FGFR2: variants seen among roughly 807,000 people sequenced by gnomAD.
FGFR2 encodes the protein BEK fibroblast growth factor receptor.
Under a neutral mutation model 95.9 loss-of-function variants are expected in FGFR2, and 19 were observed. The ratio of observed to expected loss-of-function variants is 0.20; its 90% CI spans 0.14 to 0.29. FGFR2 has a LOEUF of 0.29. FGFR2 is among the 10% of genes least tolerant of loss of function. The probability of loss-of-function intolerance (pLI) is 1.00; values close to 1 mark genes in which losing one functional copy is unlikely to be tolerated. For synonymous variants in FGFR2, 392 were observed against 393.3 expected (o/e 1.00, Z 0.04); for missense variants, 707 against 1,056.9 (o/e 0.67, Z 4.59).
At chr10:121,596,737 T>TG (rs899796212) in intron 1 of FGFR2, 12 of 193,202 alleles carry the variant, frequency 6.2e-5, no homozygotes, top group African/African-American at 2.8e-4. Context: ...AGCTTGGGGG[T>TG]GCTCCCCACC....
Position 121,564,118 on chromosome 10 carries a change from T to A in FGFR2, c.454+384A>T, listed in dbSNP as rs559687809. Among the ~76,000 whole-genome samples, 5 of 152,282 alleles carry A rather than the reference T, an allele frequency of 3.3e-5. No homozygotes were observed. In the East Asian group the frequency reaches 7.7e-4, roughly 23 times the overall value. On this transcript the variant is annotated intron_variant, in intron 4 of 17. Coordinates refer to ENST00000358487, the MANE Select transcript of FGFR2 (RefSeq NM_000141.5). ...TGCCGGGAGAGCAAGAATAGGCAAT[T>A]GCCCCAGTCACACACCACTGGATTA... is the stretch of plus-strand genomic sequence containing the variant.
intron 6 of FGFR2, among the ~76,000 whole-genome samples, chr10:121,521,052 C>A (rs761814955): frequency 6.6e-6 from 1 of 152,226 alleles, no homozygotes; most frequent in Non-Finnish European, 1.5e-5. Flanking sequence ...ATGGGATTCA[C>A]CTCTTTATTG....
At chr10:121,490,826 G>A (rs1010113003) in intron 13 of FGFR2, among the ~76,000 whole-genome samples, 2 of 152,178 alleles carry the variant, frequency 1.3e-5, no homozygotes, top group Non-Finnish European at 2.9e-5. Context: ...GCTATTCCTT[G>A]TGTTCACACA....
intron 17 of FGFR2, 35 bp from the exon 18 acceptor site, chr10:121,480,056 T>C (rs1447035646): frequency 2.5e-6 from 4 of 1,589,452 alleles, no homozygotes; most frequent in Non-Finnish European, 3.5e-6. Flanking sequence ...TTATTTCATC[T>C]TGGGTCAGGA....
intron 2 of FGFR2, among the ~76,000 whole-genome samples, chr10:121,580,188 T>G (rs1414333703): frequency 6.6e-6 from 1 of 152,160 alleles, no homozygotes; most frequent in African/African-American, 2.4e-5. Flanking sequence ...TAAGAGTTAT[T>G]CCAGGAGGGC....
intron 2 of FGFR2, among the ~76,000 whole-genome samples, chr10:121,584,029 C>T (rs1482841557): frequency 6.6e-6 from 1 of 151,966 alleles, no homozygotes; most frequent in Non-Finnish European, 1.5e-5. Context: ...TTATCATCAT[C>T]ACCATCATCA....
At chr10:121,557,664 G>A (rs559008998) in intron 4 of FGFR2, among the ~76,000 whole-genome samples, 1 of 152,242 alleles carries the variant, frequency 6.6e-6, no homozygotes, top group African/African-American at 2.4e-5. Context: ...AATTTGCAAA[G>A]CCTGTGTGGG....
chr10:121,549,106 C>T (rs1381110344), intron 5 of FGFR2, among the ~76,000 whole-genome samples: 1 of 152,170 alleles, frequency 6.6e-6, no homozygotes, highest in Non-Finnish European at 1.5e-5. Flanking sequence ...ATGTTCACTG[C>T]CCACCATGCG....
intron 4 of FGFR2, among the ~76,000 whole-genome samples, chr10:121,559,057 T>C (rs1369601204): frequency 1.3e-5 from 2 of 149,654 alleles, no homozygotes; most frequent in African/African-American, 5.0e-5. Flanking sequence ...CTGCAATATA[T>C]TTTTCCAACT....
At chr10:121,550,441 G>A (rs1371999543) in intron 5 of FGFR2, among the ~76,000 whole-genome samples, 1 of 152,312 alleles carries the variant, frequency 6.6e-6, no homozygotes, top group Non-Finnish European at 1.5e-5. Context: ...GCGGGCATCT[G>A]CAGGGAGACA....
intron 5 of FGFR2, among the ~76,000 whole-genome samples, chr10:121,543,370 C>A (rs1564958338): frequency 6.6e-6 from 1 of 152,078 alleles, no homozygotes; most frequent in Non-Finnish European, 1.5e-5. Context: ...ATTAGTCAGG[C>A]ATGGTAGCAG....
At chr10:121,573,526 G>A (rs1320398723) in intron 2 of FGFR2, among the ~76,000 whole-genome samples, 1 of 152,082 alleles carries the variant, frequency 6.6e-6, no homozygotes, top group Admixed American at 6.6e-5. Context: ...GACTCCTCTG[G>A]AAGAGACAGA....
chr10:121,484,876 T>C (rs1485742225), intron 16 of FGFR2, among the ~76,000 whole-genome samples: 2 of 152,122 alleles, frequency 1.3e-5, no homozygotes, highest in African/African-American at 4.8e-5. Flanking sequence ...TTGGCGTCAA[T>C]CTGTAATGGC....
intron 6 of FGFR2, among the ~76,000 whole-genome samples, chr10:121,536,863 C>T (rs1852910706): frequency 6.6e-6 from 1 of 152,126 alleles, no homozygotes; most frequent in African/African-American, 2.4e-5. Context: ...TTATTTTTTC[C>T]CACAATAAAT....
At chr10:121,587,981 T>C (rs1397632231) in intron 2 of FGFR2, among the ~76,000 whole-genome samples, 1 of 152,116 alleles carries the variant, frequency 6.6e-6, no homozygotes, top group African/African-American at 2.4e-5. Flanking sequence ...AGCAAAGACA[T>C]GGAATCTACC....
chr10:121,498,440 T>C (rs1012302188), intron 12 of FGFR2, 55 bp downstream of exon 12: 4 of 1,164,740 alleles, frequency 3.4e-6, no homozygotes, highest in Non-Finnish European at 5.2e-6. Flanking sequence ...ATTTCTAAAA[T>C]GATTCAATCA....
rs143158603 is a variant in FGFR2, at chr10:121,512,921, G to A, written c.1287+2196C>T. ...TTTTACTCTTGTTGCCCAGGCTGGA[G>A]CGCAATGGTGTGATCTTGGCTCATT... On this transcript the variant is annotated intron_variant, in intron 9 of 17. Transcript: ENST00000358487. 1.5e-3 allele frequency among the ~76,000 whole-genome samples: 223 copies of A among 152,162 alleles called. 2 individuals carry two copies. Among genetic ancestry groups the A allele is most frequent in the African/African-American group, 5.0e-3 (209 of 41,504 alleles).
At position 121,479,159 on chromosome 10, in the gene FGFR2, T is replaced by A. The variant is rs1844352425; in HGVS notation, c.*698A>T. ...AGTCCAAGCAATAGATTAACTAGTCTGCTGTGCTGCCTGCATAGAAATGCC... is the reference window on the plus strand; with the variant it reads ...AGTCCAAGCAATAGATTAACTAGTCAGCTGTGCTGCCTGCATAGAAATGCC... On this transcript the variant is annotated 3_prime_UTR_variant, in exon 18 of 18. Transcript: ENST00000358487. 1 of 232,974 alleles carries A rather than the reference T, an allele frequency of 4.3e-6. No homozygotes were observed. The highest frequency in any genetic ancestry group is 6.1e-5 in the East Asian group (1 of 16,384). 14.4% of individuals were successfully genotyped at this position (232,974 alleles called of 1,614,324 possible).
intron 12 of FGFR2, among the ~76,000 whole-genome samples, chr10:121,497,130 CAAA>C (rs35537265): frequency 1.3e-4 from 12 of 91,456 alleles, no homozygotes; most frequent in Admixed American, 2.2e-4. Context: ...GACTTTGTCT[CAAA>C]AAAAAAAAAA....
Sources: gnomAD v4.1 joint callset for allele counts (sites outside exome capture counted in the v4.1 genomes callset) on GRCh38, gnomAD v4.1.1 for gene constraint, MANE v1.5 for transcripts, NCBI Gene and HGNC (gene_info 2026-07-23, HGNC 2026-07-21) for gene names.